The following YTHDF3 variants were observed in gnomAD, a reference collection of about 807,000 sequenced individuals.
YTHDF3 encodes the protein YTH N6-methyladenosine RNA binding protein F3, also known as YTH domain-containing family protein 3.
Under a neutral mutation model 52.5 loss-of-function variants are expected in YTHDF3, and 9 were observed. The observed-to-expected ratio is 0.17, with a 90% CI of 0.10 to 0.30. The LOEUF is 0.30. Among genes scored for constraint, YTHDF3 ranks in the 10% least tolerant of loss-of-function variants. The probability of loss-of-function intolerance (pLI) is 1.00; values close to 1 mark genes in which losing one functional copy is unlikely to be tolerated. For missense variants in YTHDF3, 534 were observed against 715.0 expected, an observed-to-expected ratio of 0.75 and a Z score of 2.89; for synonymous variants, 274 against 243.3, an observed-to-expected ratio of 1.13 and a Z score of -1.18.
At chr8:63,169,136 A>G in intron 1 of YTHDF3, 2 of 1,434,664 alleles carry the variant, frequency 1.4e-6, no homozygotes, top group Non-Finnish European at 1.8e-6. Context: ...TAGGGGCCTT[A>G]GGACAGATCC....
intron 3 of YTHDF3, among the ~76,000 whole-genome samples, chr8:63,182,750 C>G (rs558444037): frequency 6.6e-6 from 1 of 152,138 alleles, no homozygotes; most frequent in Non-Finnish European, 1.5e-5. Context: ...CCCACCTTTC[C>G]TATGCATCTC....
intron 3 of YTHDF3, among the ~76,000 whole-genome samples, chr8:63,178,944 C>G (rs1280539449): frequency 6.6e-6 from 1 of 152,158 alleles, no homozygotes; most frequent in Non-Finnish European, 1.5e-5. Context: ...GGTCCTCATA[C>G]ACTGTACACA....
At chr8:63,208,008 G>A (rs546506522) in intron 4 of YTHDF3, among the ~76,000 whole-genome samples, 1 of 152,086 alleles carries the variant, frequency 6.6e-6, no homozygotes, top group Non-Finnish European at 1.5e-5. Flanking sequence ...ACAGCTTCAT[G>A]GTACAAATCC....
chr8:63,173,721 C>T, intron 2 of YTHDF3: 1 of 982,152 alleles, frequency 1.0e-6, no homozygotes, highest in Non-Finnish European at 1.2e-6. Context: ...ATAACCCAGC[C>T]TTATAATGGC....
intron 4 of YTHDF3, among the ~76,000 whole-genome samples, chr8:63,198,381 C>G (rs1386905622): frequency 2.0e-5 from 3 of 152,154 alleles, no homozygotes; most frequent in Non-Finnish European, 4.4e-5. Flanking sequence ...ATTCTCATGC[C>G]TCAGCCTCCC....
At chr8:63,169,516 T>G in intron 2 of YTHDF3, 105 bp downstream of exon 2, 1 of 1,276,808 alleles carries the variant, frequency 7.8e-7, no homozygotes, top group South Asian at 1.3e-5. Context: ...TGGGAAAAAA[T>G]GTAGGATTAG....
rs74615297 is a variant in YTHDF3 at position 63,176,502 on chromosome 8, G to C, written c.135+1086G>C. On this transcript the variant is annotated intron_variant, in intron 3 of 4. Transcript: ENST00000539294. ...TCACCATGTTAGCCAGGATGGTCTC[G>C]ATCTCCTGACCTCATGATCCGCCCG... is the stretch of plus-strand genomic sequence containing the variant. Among the ~76,000 whole-genome samples, 1,167 of 152,032 alleles carry C rather than the reference G, an allele frequency of 7.7e-3. 73 individuals are homozygous for C. In the East Asian group the frequency reaches 0.17, roughly 22 times the overall value.
At chr8:63,205,367 A>G (rs1585789191) in intron 4 of YTHDF3, among the ~76,000 whole-genome samples, 1 of 151,928 alleles carries the variant, frequency 6.6e-6, no homozygotes, top group Non-Finnish European at 1.5e-5. Flanking sequence ...ACTATACAGT[A>G]CCTCATTTTA....
chr8:63,191,202 G>T (rs1334542941), intron 4 of YTHDF3, among the ~76,000 whole-genome samples: 1 of 152,120 alleles, frequency 6.6e-6, no homozygotes, highest in Non-Finnish European at 1.5e-5. Context: ...GAATGTAAAT[G>T]TGAAAACGTG....
intron 4 of YTHDF3, among the ~76,000 whole-genome samples, chr8:63,206,235 AG>A (rs1810023072): frequency 1.3e-5 from 2 of 151,878 alleles, no homozygotes; most frequent in East Asian, 3.9e-4. Context: ...CACCATAGCC[AG>A]CTAATTTTGT....
In YTHDF3 at chr8:63,186,691, C is replaced by T. The variant is rs1320405161; in HGVS notation, c.680C>T (p.Pro227Leu). Residue 227 changes from proline to leucine, a missense_variant, in exon 4 of 5, where the codon CCA becomes CTA. Transcript: ENST00000539294. ...AGCATTGCAACCAATAGTGTGCCCC[C>T]AGTTAGCAGTGCAGCACCTAAACCA... ...MTSIATNSVP[P>L]VSSAAPKPTS... 1.2e-6 allele frequency: 2 copies of T among 1,613,968 alleles called. No individual in the cohort carries two copies. Among genetic ancestry groups the T allele is most frequent in the South Asian group, 2.2e-5 (2 of 91,080 alleles).
intron 4 of YTHDF3, among the ~76,000 whole-genome samples, chr8:63,197,557 A>G (rs1223408555): frequency 3.9e-5 from 6 of 152,180 alleles, no homozygotes; most frequent in African/African-American, 1.2e-4. Flanking sequence ...TATTGTTTCA[A>G]ATCATAAGCA....
intron 2 of YTHDF3, among the ~76,000 whole-genome samples, chr8:63,170,976 A>G (rs1460157546): frequency 6.6e-6 from 1 of 152,210 alleles, no homozygotes; most frequent in Admixed American, 6.5e-5. Flanking sequence ...TATAAACTGC[A>G]TAATACATCC....
At position 63,187,664 on chromosome 8, in the gene YTHDF3, T is replaced by A; in HGVS notation, c.1653T>A (p.Ala551=). The change falls in exon 4 of 5, where the codon GCT becomes GCA. Residue 551 remains alanine, a synonymous_variant. Transcript: ENST00000539294. ...EKAKQVLKII[A]TFKHTTSIFD... is the part of the protein sequence containing the mutation. The stretch of plus-strand genomic sequence containing the variant: ...CTAAGCAAGTGCTTAAAATAATTGC[T>A]ACTTTCAAGCATACCACCTCAATCT... 6.2e-7 allele frequency: 1 copy of A among 1,611,112 alleles called. No homozygotes were observed. The highest frequency in any genetic ancestry group is 8.5e-7 in the Non-Finnish European group (1 of 1,178,320).
chr8:63,180,301 G>C (rs1435911918), intron 3 of YTHDF3, among the ~76,000 whole-genome samples: 2 of 149,162 alleles, frequency 1.3e-5, no homozygotes, highest in Non-Finnish European at 2.9e-5. Flanking sequence ...CGGACGGGGC[G>C]GCAGGGCAGA....
intron 3 of YTHDF3, among the ~76,000 whole-genome samples, chr8:63,181,595 CTT>C (rs1808143231): frequency 6.6e-6 from 1 of 152,186 alleles, no homozygotes; most frequent in Non-Finnish European, 1.5e-5. Context: ...TACAGAAAGT[CTT>C]TTCTGATTTT....
Position 63,186,803 on chromosome 8 carries a change from T to C in YTHDF3, c.792T>C (p.Ala264=). Residue 264 remains alanine, a synonymous_variant, in exon 4 of 5, where the codon GCT becomes GCC. Coordinates refer to ENST00000539294, the MANE Select transcript of YTHDF3 (RefSeq NM_152758.6). ...GCAATGTGGGAATTGGGGGTTCTGC[T>C]GTACCACCACCTCCTATAAAACACA... is the stretch of plus-strand genomic sequence containing the variant. ...PKGNVGIGGS[A]VPPPPIKHNM... is the part of the protein sequence containing the mutation. 1.2e-6 allele frequency: 2 copies of C among 1,614,014 alleles called. No homozygotes were observed. The highest frequency in any genetic ancestry group is 1.7e-6 in the Non-Finnish European group (2 of 1,179,894).
intron 4 of YTHDF3, among the ~76,000 whole-genome samples, chr8:63,202,089 T>C (rs11989004): frequency 7.2e-5 from 11 of 152,332 alleles, no homozygotes; most frequent in African/African-American, 2.6e-4. Flanking sequence ...TAGAACTCAG[T>C]CTACTTAGGA....
intron 3 of YTHDF3, among the ~76,000 whole-genome samples, chr8:63,178,210 G>T (rs1014223351): frequency 2.0e-5 from 3 of 152,098 alleles, no homozygotes; most frequent in Non-Finnish European, 4.4e-5. Context: ...TCTACTGGAG[G>T]AAAAATTTTT....
Sources: gnomAD v4.1 joint callset for allele counts (sites outside exome capture counted in the v4.1 genomes callset) on GRCh38, gnomAD v4.1.1 for gene constraint, MANE v1.5 for transcripts, NCBI Gene and HGNC (gene_info 2026-07-23, HGNC 2026-07-21) for gene names.